Variants in RHOU observed in about 807,000 individuals in gnomAD.
RHOU encodes ras homolog family member U.
RHOU carries 8 observed loss-of-function variants against 12.6 expected under a neutral mutation model. The ratio of observed to expected loss-of-function variants is 0.64; its 90% CI spans 0.37 to 1.15. The LOEUF (loss-of-function observed/expected upper bound fraction) is 1.15, where lower values mean the gene tolerates loss of function less well. Among genes scored for constraint, RHOU ranks in the 50% most tolerant of loss-of-function variants. The pLI, the probability that RHOU is intolerant of heterozygous loss-of-function variation, is 0.01. For missense variants in RHOU, 258 were observed against 347.0 expected, an observed-to-expected ratio of 0.74 and a Z score of 2.04; for synonymous variants, 161 against 147.4, an observed-to-expected ratio of 1.09 and a Z score of -0.67.
At chr1:228,713,443 T>C in the RHOU span, among the ~76,000 whole-genome samples, 588 of 152,282 alleles carry the variant, frequency 3.9e-3, 6 homozygotes, top group African/African-American at 0.014. Flanking sequence ...TGTAATTCTT[T>C]GTACTATCCT....
chr1:228,689,547 G>T, the RHOU span, among the ~76,000 whole-genome samples: 2 of 152,076 alleles, frequency 1.3e-5, no homozygotes, highest in African/African-American at 2.4e-5. Flanking sequence ...TAAGCCAGGG[G>T]TCCCCAACTC....
chr1:228,659,569 TG>T, the RHOU span, among the ~76,000 whole-genome samples: 1 of 149,992 alleles, frequency 6.7e-6, no homozygotes, highest in East Asian at 1.9e-4. Context: ...AACCAAAAGC[TG>T]GTTTTTTTTT....
At chr1:228,736,936 TC>T (rs1450158155) in intron 1 of RHOU, among the ~76,000 whole-genome samples, 1 of 96,368 alleles carries the variant, frequency 1.0e-5, no homozygotes, top group Admixed American at 1.3e-4. Flanking sequence ...TTTCTTCCCC[TC>T]CCCCCACCCC....
the RHOU span, among the ~76,000 whole-genome samples, chr1:228,677,406 T>G: frequency 8.3e-4 from 127 of 152,320 alleles, no homozygotes; most frequent in Non-Finnish European, 4.1e-4. Flanking sequence ...GGCAAGTTTT[T>G]GGGCTCTATC....
the RHOU span, among the ~76,000 whole-genome samples, chr1:228,676,140 C>CT: frequency 0.043 from 6,323 of 145,562 alleles, 144 homozygotes; most frequent in Non-Finnish European, 0.048. Flanking sequence ...CGCCCCCCCC[C>CT]TTTTTTTTTT....
the RHOU span, among the ~76,000 whole-genome samples, chr1:228,710,735 C>T: frequency 1.3e-5 from 2 of 150,598 alleles, no homozygotes. Flanking sequence ...GAAGCATTCC[C>T]TTTGAAAACT....
chr1:228,646,978 G>C, the RHOU span, among the ~76,000 whole-genome samples: 4 of 152,004 alleles, frequency 2.6e-5, no homozygotes, highest in African/African-American at 9.7e-5. Flanking sequence ...GAAGTACAGA[G>C]GTACAGAGGG....
the RHOU span, among the ~76,000 whole-genome samples, chr1:228,670,946 G>A: frequency 1.4e-4 from 21 of 152,304 alleles, no homozygotes; most frequent in Non-Finnish European, 1.0e-4. Flanking sequence ...CTCCTGTACA[G>A]CCTACAGAAC....
chr1:228,743,471 A>G lies in RHOU; in HGVS notation c.508A>G (p.Lys170Glu). 6 of 1,614,192 alleles carry G rather than the reference A, an allele frequency of 3.7e-6. No individual in the cohort carries two copies. The highest frequency in any genetic ancestry group is 5.1e-6 in the Non-Finnish European group (6 of 1,180,042). ...GTQSDLREDV[K>E]VLIELDKCKE... ...GCAGTCGGATCTCAGAGAAGATGTC[A>G]AAGTCCTCATTGAGTTGGACAAATG... The change falls in exon 3 of 3, where the codon AAA becomes GAA. Residue 170 changes from lysine to glutamate, a missense_variant. Physicochemically the swap from Lys to Glu is moderately conservative, Grantham distance 56. Coordinates refer to ENST00000366691, the MANE Select transcript of RHOU (RefSeq NM_021205.6). This position sits in a 1 kb window ranked among gnomAD's most constrained non-coding sequence, Gnocchi z 5.1.
At chr1:228,700,646 T>G in the RHOU span, among the ~76,000 whole-genome samples, 1 of 152,176 alleles carries the variant, frequency 6.6e-6, no homozygotes, top group Non-Finnish European at 1.5e-5. Flanking sequence ...ACCATAATTA[T>G]GACTGATAAA....
rs1662634646 is a variant in RHOU at position 228,737,562 on chromosome 1, A to C, written c.263-111A>C. 11 of 1,083,776 alleles carry C rather than the reference A, an allele frequency of 1.0e-5. No individual in the cohort carries two copies. Among genetic ancestry groups the C allele is most frequent in the Non-Finnish European group, 1.5e-5 (11 of 712,066 alleles). The allele number at this position is 1,083,776 out of a possible 1,614,324, so 67.1% of individuals were successfully genotyped here. A position where few individuals can be genotyped will look rare whatever the true frequency, so the allele number is the denominator to read the frequency against. On this transcript the variant is annotated intron_variant, in intron 1 of 2. Coordinates refer to ENST00000366691, the MANE Select transcript of RHOU (RefSeq NM_021205.6). The surrounding 1 kb of genome is among the most constrained non-coding windows in gnomAD (Gnocchi z 4.1). ...GTCTTTAATTCATTAGAGGACCTAA[A>C]ATAGGAGCAAAGGGGTTTGGAGTGA... is the stretch of plus-strand genomic sequence containing the variant.
chr1:228,652,150 G>GA, the RHOU span, among the ~76,000 whole-genome samples: 3 of 152,176 alleles, frequency 2.0e-5, no homozygotes, highest in Non-Finnish European at 2.9e-5. Context: ...TCAGATCATA[G>GA]ACTAAAAAAT....
the RHOU span, among the ~76,000 whole-genome samples, chr1:228,715,949 C>T: frequency 0.014 from 2,083 of 147,432 alleles, 43 homozygotes; most frequent in African/African-American, 0.049. Flanking sequence ...AGGTCTCACT[C>T]TGTCACTCAG....
upstream of RHOU, among the ~76,000 whole-genome samples, chr1:228,734,108 C>T (rs529541920): frequency 4.9e-4 from 74 of 152,168 alleles, no homozygotes; most frequent in Non-Finnish European, 8.7e-4. Context: ...CCAAAATCTT[C>T]ATGGCCTCTT....
the RHOU span, among the ~76,000 whole-genome samples, chr1:228,678,762 A>G: frequency 6.6e-6 from 1 of 152,140 alleles, no homozygotes; most frequent in Non-Finnish European, 1.5e-5. Flanking sequence ...GGCAGAAAGT[A>G]TATGCATCAG....
chr1:228,692,217 T>C, the RHOU span, among the ~76,000 whole-genome samples: 1 of 152,216 alleles, frequency 6.6e-6, no homozygotes, highest in Non-Finnish European at 1.5e-5. Context: ...TGAGTAGAAT[T>C]AGAGCCAACA....
chr1:228,657,351 A>G, the RHOU span, among the ~76,000 whole-genome samples: 1 of 151,814 alleles, frequency 6.6e-6, no homozygotes, highest in Non-Finnish European at 1.5e-5. Flanking sequence ...TTCCATGCAA[A>G]TAGTGACCAA....
In RHOU at chr1:228,737,646, G is replaced by A; in HGVS notation, c.263-27G>A. On this transcript the variant is annotated intron_variant, in intron 1 of 2. Coordinates refer to ENST00000366691, the MANE Select transcript of RHOU (RefSeq NM_021205.6). This position sits in a 1 kb window ranked among gnomAD's most constrained non-coding sequence, Gnocchi z 4.1. The stretch of plus-strand genomic sequence containing the variant: ...CGAAAGGGGTTAAAAGACACCTCCT[G>A]ATTGTCATTTTGGTTTTGTTTTTAA... The A allele has an allele frequency of 6.2e-7, 1 of 1,612,458 alleles. No homozygotes were observed. Among genetic ancestry groups the A allele is most frequent in the Non-Finnish European group, 8.5e-7 (1 of 1,178,452 alleles).
At chr1:228,709,657 G>T in the RHOU span, among the ~76,000 whole-genome samples, 9 of 146,130 alleles carry the variant, frequency 6.2e-5, no homozygotes, top group African/African-American at 2.0e-4. Context: ...CACATTCAAA[G>T]CAGTGTGTAG....
Sources: allele counts gnomAD v4.1 joint callset (sites outside exome capture counted in the v4.1 genomes callset), GRCh38; gene constraint gnomAD v4.1.1; non-coding constraint Gnocchi (gnomAD v3.1); transcripts MANE v1.5; gene names NCBI Gene and HGNC (gene_info 2026-07-23, HGNC 2026-07-21).